CCNH: variants seen among roughly 807,000 people sequenced by gnomAD.
The protein encoded by CCNH is cyclin H.
A neutral mutation model predicts 41.9 loss-of-function variants in CCNH; 31 were observed. That is an observed-to-expected ratio of 0.74 (90% CI 0.56 to 1.00). CCNH has a LOEUF of 1.00. CCNH is among the 50% of genes least tolerant of loss of function. CCNH has a pLI of 0.00. For synonymous variants in CCNH, 138 were observed against 136.1 expected (o/e 1.01, Z -0.10); for missense variants, 362 against 388.4 (o/e 0.93, Z 0.57).
At chr5:87,322,980 C>T (rs1422574531) in intron 9 of CCNH, among the ~76,000 whole-genome samples, 1 of 152,108 alleles carries the variant, frequency 6.6e-6, no homozygotes, top group African/African-American at 2.4e-5. Context: ...ATATATTCAC[C>T]TTAAGGTGAA....
intron 9 of CCNH, among the ~76,000 whole-genome samples, chr5:87,363,670 TAA>T (rs1353493767): frequency 6.6e-6 from 1 of 152,084 alleles, no homozygotes; most frequent in Non-Finnish European, 1.5e-5. Flanking sequence ...AATATATACA[TAA>T]AGTCTACTTC....
chr5:87,388,438 T>A (rs1309562528), downstream of CCNH, among the ~76,000 whole-genome samples: 1 of 152,148 alleles, frequency 6.6e-6, no homozygotes, highest in Non-Finnish European at 1.5e-5. Flanking sequence ...TGCTAAAAAA[T>A]CCAAAACTTG....
intron 9 of CCNH, among the ~76,000 whole-genome samples, chr5:87,328,006 G>A (rs1442680581): frequency 6.6e-6 from 1 of 151,326 alleles, no homozygotes; most frequent in Non-Finnish European, 1.5e-5. Flanking sequence ...CTATGTGGAC[G>A]TTAAAAAAGA....
chr5:87,380,889 T>C (rs914737696), upstream of CCNH, among the ~76,000 whole-genome samples: 13 of 152,196 alleles, frequency 8.5e-5, no homozygotes, highest in African/African-American at 2.9e-4. Flanking sequence ...TAACTTCATA[T>C]AGTATTCTTC....
chr5:87,369,663 T>C (rs987454498), intron 9 of CCNH: 20 of 580,074 alleles, frequency 3.4e-5, no homozygotes, highest in African/African-American at 5.6e-5. Flanking sequence ...AGCTGACTTT[T>C]TTTTAGTAAT....
intron 2 of CCNH, 53 bp from the exon 3 acceptor site, chr5:87,409,416 T>C: frequency 9.3e-7 from 1 of 1,075,996 alleles, no homozygotes; most frequent in Non-Finnish European, 1.4e-6. Flanking sequence ...TGTTAAATGT[T>C]AAATTTTGTG....
In CCNH at chr5:87,394,356, T is replaced by G; in HGVS notation, c.*90A>C. The stretch of plus-strand genomic sequence containing the variant: ...GAAAAGTTTTAATATATTTTATGTT[T>G]TCACATTATACTTTTTAAATAAAGT... On this transcript the variant is annotated 3_prime_UTR_variant, in exon 9 of 9. Coordinates refer to ENST00000256897, the MANE Select transcript of CCNH (RefSeq NM_001239.4). 1.3e-6 allele frequency: 2 copies of G among 1,505,224 alleles called. No individual in the cohort carries two copies. Among genetic ancestry groups the G allele is most frequent in the Non-Finnish European group, 1.8e-6 (2 of 1,123,290 alleles). The allele number at this position is 1,505,224 out of a possible 1,614,324, so 93.2% of individuals were successfully genotyped here. A position where few individuals can be genotyped will look rare whatever the true frequency, so the allele number is the denominator to read the frequency against.
chr5:87,382,879 T>G (rs1462076109), intron 9 of CCNH, among the ~76,000 whole-genome samples: 1 of 151,826 alleles, frequency 6.6e-6, no homozygotes, highest in East Asian at 1.9e-4. Flanking sequence ...GCCAGGAATT[T>G]GAAATTGTCC....
intron 9 of CCNH, among the ~76,000 whole-genome samples, chr5:87,352,434 C>A (rs993998279): frequency 6.6e-6 from 1 of 151,410 alleles, no homozygotes; most frequent in Non-Finnish European, 1.5e-5. Flanking sequence ...GTTTAAAATT[C>A]CAAGATTTCC....
rs1345716898 is a variant in CCNH at position 87,337,856 on chromosome 5, C to CT, written c.*91-18960dup. On this transcript the variant is annotated intron_variant and NMD_transcript_variant, in intron 9 of 9. Transcript: ENST00000645953. ...GGATACAAATTTAGGGTGTTTGACT[C>CT]TAATTCCTTACATTTTTCAATATAA... 18 of 1,121,572 alleles carry CT rather than the reference C, an allele frequency of 1.6e-5. No individual in the cohort carries two copies. The African/African-American group carries it at 2.7e-4, about 17-fold the overall frequency. The allele number at this position is 1,121,572 out of a possible 1,614,324, so 69.5% of individuals were successfully genotyped here. A position where few individuals can be genotyped will look rare whatever the true frequency, so the allele number is the denominator to read the frequency against.
intron 9 of CCNH, among the ~76,000 whole-genome samples, chr5:87,330,618 T>A (rs1449542325): frequency 6.6e-6 from 1 of 152,180 alleles, no homozygotes; most frequent in East Asian, 1.9e-4. Flanking sequence ...ATAGGCATAC[T>A]TGGTATGCTA....
At position 87,376,470 on chromosome 5, in the gene CCNH, C is replaced by A. The variant is rs759711265; in HGVS notation, n.711G>T. The A allele has an allele frequency of 1.1e-5, 17 of 1,613,978 alleles. No individual in the cohort carries two copies. Among genetic ancestry groups the A allele is most frequent in the Non-Finnish European group, 1.2e-5 (14 of 1,179,970 alleles). On this transcript the variant is annotated non_coding_transcript_exon_variant, in exon 1 of 1. Transcript: ENST00000607486. ...ATGGTTTCTGCTCAGCTCCCATATACCATTAAAAGGTATTGAACCAGGGTC... is the reference window on the plus strand; with the variant it reads ...ATGGTTTCTGCTCAGCTCCCATATAACATTAAAAGGTATTGAACCAGGGTC...
At chr5:87,374,408 C>A, downstream of CCNH, 2 of 1,143,882 alleles carry the variant, frequency 1.7e-6, no homozygotes, top group Non-Finnish European at 2.5e-6. Flanking sequence ...TCTAAACCAT[C>A]AGAACAAGGT....
At chr5:87,354,002 TA>T (rs1214952393) in intron 9 of CCNH, among the ~76,000 whole-genome samples, 1 of 152,096 alleles carries the variant, frequency 6.6e-6, no homozygotes, top group African/African-American at 2.4e-5. Context: ...TCTAGGGACA[TA>T]AAGGATTATT....
At chr5:87,321,591 T>TA (rs1222173218) in intron 9 of CCNH, among the ~76,000 whole-genome samples, 1 of 152,220 alleles carries the variant, frequency 6.6e-6, no homozygotes, top group Non-Finnish European at 1.5e-5. Flanking sequence ...AAGGATATGT[T>TA]AAAGGATACA....
At chr5:87,331,525 G>T (rs371028685) in intron 9 of CCNH, 4 of 1,606,484 alleles carry the variant, frequency 2.5e-6, no homozygotes, top group African/African-American at 1.3e-5. Flanking sequence ...CTATTATGAA[G>T]CCAAATGATG....
downstream of CCNH, among the ~76,000 whole-genome samples, chr5:87,316,444 A>C (rs757991597): frequency 2.0e-5 from 3 of 152,226 alleles, no homozygotes; most frequent in Non-Finnish European, 4.4e-5. Flanking sequence ...AATCACAAAA[A>C]TACTTCACAA....
At chr5:87,394,182 T>G, downstream of CCNH, 1 of 991,636 alleles carries the variant, frequency 1.0e-6, no homozygotes, top group Admixed American at 4.7e-5. Context: ...GCCTATCATA[T>G]TTTGCTTAAA....
intron 9 of CCNH, among the ~76,000 whole-genome samples, chr5:87,356,506 C>T (rs1011219255): frequency 7.9e-5 from 12 of 151,982 alleles, no homozygotes; most frequent in African/African-American, 2.9e-4. Flanking sequence ...CCTCCTGCCT[C>T]AGGCTCCCCA....
Sources: allele counts gnomAD v4.1 joint callset (sites outside exome capture counted in the v4.1 genomes callset), GRCh38; gene constraint gnomAD v4.1.1; transcripts MANE v1.5; gene names NCBI Gene and HGNC (gene_info 2026-07-23, HGNC 2026-07-21).